C1orf94: variants seen among roughly 807,000 people sequenced by gnomAD.
The protein encoded by C1orf94 is uncharacterized protein C1orf94.
Under a neutral mutation model 53.6 loss-of-function variants are expected in C1orf94, and 45 were observed. That is an observed-to-expected ratio of 0.84 (90% CI 0.66 to 1.08). The LOEUF is 1.08. Ranked by LOEUF, C1orf94 falls within the 50% of genes least tolerant of loss-of-function variation. C1orf94 has a pLI of 0.00. For missense variants in C1orf94, 762 were observed against 738.9 expected, an observed-to-expected ratio of 1.03 and a Z score of -0.36; for synonymous variants, 304 against 296.1, an observed-to-expected ratio of 1.03 and a Z score of -0.27.
At chr1:34,198,644 T>G (rs1381909014) in intron 2 of C1orf94, among the ~76,000 whole-genome samples, 1 of 152,258 alleles carries the variant, frequency 6.6e-6, no homozygotes, top group African/African-American at 2.4e-5. Context: ...ATACTCATGT[T>G]AGCCAAAAGA....
At chr1:34,211,191 G>A (rs770459181) in intron 5 of C1orf94, among the ~76,000 whole-genome samples, 13 of 152,026 alleles carry the variant, frequency 8.6e-5, no homozygotes, top group African/African-American at 2.7e-4. Context: ...ATTAGGTAAC[G>A]AGCCCCCCAT....
rs58794132 is a variant in C1orf94, at chr1:34,207,262, G to GGTGT, written c.1447-856_1447-853dup. Among the ~76,000 whole-genome samples the GGTGT allele has an allele frequency of 4.0e-3, 591 of 147,438 alleles. 3 individuals are homozygous for GGTGT. Among genetic ancestry groups the GGTGT allele is most frequent in the African/African-American group, 0.014 (557 of 39,872 alleles). ...CACTGCCACAGCAGCAGTTCTGCGGGGTGTGTGTGTGTGTGTGTGTGTGTG... is the reference window on the plus strand; with the variant it reads ...CACTGCCACAGCAGCAGTTCTGCGGGGTGTGTGTGTGTGTGTGTGTGTGTGTGTG... On this transcript the variant is annotated intron_variant, in intron 4 of 6. Coordinates refer to ENST00000488417, the MANE Select transcript of C1orf94 (RefSeq NM_001134734.2).
chr1:34,218,745 A>G lies in C1orf94; in HGVS notation c.1781A>G (p.Asn594Ser), dbSNP rs1276639570. 1 of 1,612,610 alleles carries G rather than the reference A, an allele frequency of 6.2e-7. No individual in the cohort carries two copies. Among genetic ancestry groups the G allele is most frequent in the Non-Finnish European group, 8.5e-7 (1 of 1,179,076 alleles). The change falls in exon 7 of 7, where the codon AAT becomes AGT. Residue 594 changes from asparagine (N) to serine (S), a missense_variant. By Grantham distance (46) the Asn-to-Ser change is conservative (BLOSUM62 1). Coordinates refer to ENST00000488417, the MANE Select transcript of C1orf94 (RefSeq NM_001134734.2). ...MHSPYFSSSG[N>S]GINF ...AGCCCCTATTTTTCTTCCAGTGGGA[A>G]TGGCATAAACTTTTAGATCTCCTCT...
chr1:34,209,814 G>A (rs138187880), intron 5 of C1orf94, among the ~76,000 whole-genome samples: 32 of 152,168 alleles, frequency 2.1e-4, no homozygotes, highest in Admixed American at 1.4e-3. Flanking sequence ...CAAGAATATC[G>A]TCCACCTGGC....
chr1:34,197,575 A>C lies in C1orf94; in HGVS notation c.671A>C (p.Asp224Ala). ...AEVKSSKGTE[D>A]RGRILGDSNL... ...GTCAAGAGCAGCAAGGGGACAGAGG[A>C]CAGGGGCCGCATCCTAGGTGACTCC... Residue 224 changes from aspartate (D) to alanine (A), a missense_variant, in exon 2 of 7, where the codon GAC (aspartate) becomes GCC (alanine). Coordinates refer to ENST00000488417, the MANE Select transcript of C1orf94 (RefSeq NM_001134734.2). The surrounding 1 kb of genome is among the most constrained non-coding windows in gnomAD (Gnocchi z 4.1). 1.9e-6 allele frequency: 3 copies of C among 1,614,126 alleles called. No individual in the cohort carries two copies. The highest frequency in any genetic ancestry group is 8.5e-7 in the Non-Finnish European group (1 of 1,180,002).
chr1:34,190,902 C>A (rs1029544803), intron 1 of C1orf94, among the ~76,000 whole-genome samples: 32 of 152,208 alleles, frequency 2.1e-4, no homozygotes, highest in African/African-American at 7.5e-4. Context: ...CTCATTTCTA[C>A]AGTTTGGCAA....
intron 2 of C1orf94, among the ~76,000 whole-genome samples, chr1:34,198,506 CT>C (rs1469164989): frequency 6.6e-6 from 1 of 152,202 alleles, no homozygotes; most frequent in Non-Finnish European, 1.5e-5. Flanking sequence ...ACCTCCCAAG[CT>C]TCTCCTACTT....
intron 2 of C1orf94, among the ~76,000 whole-genome samples, chr1:34,200,099 C>T (rs554470789): frequency 6.6e-6 from 1 of 152,282 alleles, no homozygotes; most frequent in East Asian, 1.9e-4. Context: ...ACAACTGTGT[C>T]CCCAGCACTC....
In C1orf94 at chr1:34,210,379, C is replaced by T. The variant is rs144024160; in HGVS notation, c.1525-1831C>T. Among the ~76,000 whole-genome samples, 1,010 of 152,234 alleles carry T rather than the reference C, an allele frequency of 6.6e-3. 9 individuals are homozygous for T. Among genetic ancestry groups the T allele is most frequent in the African/African-American group, 0.023 (961 of 41,530 alleles). The stretch of plus-strand genomic sequence containing the variant: ...TCCACTGGAGAACATTGGGGAAGAC[C>T]GGGAGGGAGGACTCAGGTTTCCAAA... On this transcript the variant is annotated intron_variant, in intron 5 of 6. Transcript: ENST00000488417.
Position 34,190,954 on chromosome 1 carries a change from G to A in C1orf94, c.321-6271G>A, listed in dbSNP as rs759684506. Among the ~76,000 whole-genome samples the A allele has an allele frequency of 1.2e-4, 19 of 152,228 alleles. 1 individual carries two copies. The East Asian group carries it at 1.5e-3, about 12-fold the overall frequency. On this transcript the variant is annotated intron_variant, in intron 1 of 6. Transcript: ENST00000488417. ...CTGGGAGGTTCTTCCGCTGTGGGCTGGGCTTGGCTGAACTTGGCTCATGCT... is the reference window on the plus strand; with the variant it reads ...CTGGGAGGTTCTTCCGCTGTGGGCTAGGCTTGGCTGAACTTGGCTCATGCT...
chr1:34,176,861 C>G (rs1246366804), upstream of C1orf94, among the ~76,000 whole-genome samples: 2 of 152,160 alleles, frequency 1.3e-5, no homozygotes, highest in East Asian at 3.9e-4. Context: ...GCCCCACCCC[C>G]ACCCACCCCA....
chr1:34,208,236 T>TA lies in C1orf94; in HGVS notation c.1524+2_1524+3insA. On this transcript the variant is annotated splice_region_variant and intron_variant, in intron 5 of 6. Coordinates refer to ENST00000488417, the MANE Select transcript of C1orf94 (RefSeq NM_001134734.2). Reference sequence around the variant, plus strand: ...CAGCTGGGATGTTACTCCCAACAGGTGAGTAGACGATCTCTCCTCCTCTGT... The same window carrying TA: ...CAGCTGGGATGTTACTCCCAACAGGTAGAGTAGACGATCTCTCCTCCTCTGT... 6.2e-7 allele frequency: 1 copy of TA among 1,613,310 alleles called. No homozygotes were observed. Among genetic ancestry groups the TA allele is most frequent in the Non-Finnish European group, 8.5e-7 (1 of 1,179,674 alleles).
At chr1:34,202,028 C>G in intron 3 of C1orf94, 56 bp from the exon 4 acceptor site, 1 of 1,577,444 alleles carries the variant, frequency 6.3e-7, no homozygotes, top group South Asian at 1.2e-5. Flanking sequence ...CTGAAGGTGT[C>G]CTGGCCTCTC....
At chr1:34,185,213 T>C (rs1642367865) in intron 1 of C1orf94, among the ~76,000 whole-genome samples, 1 of 152,170 alleles carries the variant, frequency 6.6e-6, no homozygotes. Flanking sequence ...GGAGTCTCGC[T>C]CTGTCACCCA....
At position 34,195,773 on chromosome 1, in the gene C1orf94, T is replaced by C. The variant is rs966469354; in HGVS notation, c.321-1452T>C. The stretch of plus-strand genomic sequence containing the variant: ...TGAATTGTGTGCCTGCCTGTTTCTG[T>C]TCGTGGGTGTGTGTGTGTGTGTGTG... On this transcript the variant is annotated intron_variant, in intron 1 of 6. Coordinates refer to ENST00000488417, the MANE Select transcript of C1orf94 (RefSeq NM_001134734.2). Among the ~76,000 whole-genome samples the C allele has an allele frequency of 6.9e-5, 10 of 144,940 alleles. No individual in the cohort carries two copies. In the South Asian group the frequency reaches 8.7e-4, roughly 13 times the overall value.
chr1:34,181,368 G>A (rs1642309687), intron 1 of C1orf94, among the ~76,000 whole-genome samples: 1 of 152,150 alleles, frequency 6.6e-6, no homozygotes, highest in Non-Finnish European at 1.5e-5. Flanking sequence ...TCCAATCCAT[G>A]CAGATTTGAT....
chr1:34,182,028 T>C (rs1023800375), intron 1 of C1orf94, among the ~76,000 whole-genome samples: 15 of 152,166 alleles, frequency 9.9e-5, no homozygotes, highest in African/African-American at 3.6e-4. Context: ...ACCTCATCTC[T>C]ACAAAAAATA....
intron 4 of C1orf94, 33 bp downstream of exon 4, chr1:34,202,292 T>A (rs774988194): frequency 3.1e-6 from 5 of 1,603,582 alleles, no homozygotes; most frequent in African/African-American, 1.3e-5. Flanking sequence ...CCTGTGGACA[T>A]CCACGGGGGT....
intron 6 of C1orf94, among the ~76,000 whole-genome samples, chr1:34,212,775 T>C (rs1480999515): frequency 6.6e-6 from 1 of 152,084 alleles, no homozygotes; most frequent in African/African-American, 2.4e-5. Flanking sequence ...TCCTTAGAGC[T>C]CTCACCTCCC....
Sources: gnomAD v4.1 joint callset for allele counts (sites outside exome capture counted in the v4.1 genomes callset) on GRCh38, gnomAD v4.1.1 for gene constraint, Gnocchi (gnomAD v3.1) non-coding constraint, MANE v1.5 for transcripts, NCBI Gene and HGNC (gene_info 2026-07-23, HGNC 2026-07-21) for gene names.